UNC5D: variants seen among roughly 807,000 people sequenced by gnomAD.
UNC5D encodes the protein netrin receptor UNC5D.
A neutral mutation model predicts 105.4 loss-of-function variants in UNC5D; 39 were observed. That is an observed-to-expected ratio of 0.37 (90% confidence interval 0.29 to 0.48). The LOEUF is 0.48. UNC5D is among the 20% of genes least tolerant of loss of function. The probability of loss-of-function intolerance (pLI) is 0.98; values close to 1 mark genes in which losing one functional copy is unlikely to be tolerated. For missense variants in UNC5D, 991 were observed against 1,202.4 expected (o/e 0.82, Z 2.60); for synonymous variants, 452 against 450.4 (o/e 1.00, Z -0.04).
intron 1 of UNC5D, among the ~76,000 whole-genome samples, chr8:35,258,206 A>G (rs1804215477): frequency 6.6e-6 from 1 of 152,188 alleles, no homozygotes; most frequent in South Asian, 2.1e-4. Flanking sequence ...GGGCAAAAAA[A>G]GGGACACACT....
Position 35,790,333 on chromosome 8 carries a change from CTTTGTG to C in UNC5D, c.2658-22_2658-17del, listed in dbSNP as rs1563766153. The C allele has an allele frequency of 1.9e-6, 3 of 1,607,692 alleles. No individual in the cohort carries two copies. The highest frequency in any genetic ancestry group is 2.2e-5 in the South Asian group (2 of 90,914). ...CTTTATTTTCATGTTTCGTTTTGTT[CTTTGTG>C]TTTAACTCTCTCCATCTAGGAATTT... On this transcript the variant is annotated intron_variant, in intron 16 of 16. Coordinates refer to ENST00000404895, the MANE Select transcript of UNC5D (RefSeq NM_080872.4).
At chr8:35,405,558 A>G (rs1804751129) in intron 1 of UNC5D, among the ~76,000 whole-genome samples, 1 of 152,192 alleles carries the variant, frequency 6.6e-6, no homozygotes, top group African/African-American at 2.4e-5. Context: ...TCCAATGGTA[A>G]ATGTGAAAGA....
At position 35,493,048 on chromosome 8, in the gene UNC5D, G is replaced by C. The variant is rs370503019; in HGVS notation, c.104-56244G>C. Among the ~76,000 whole-genome samples the C allele has an allele frequency of 2.0e-4, 30 of 152,000 alleles. No individual in the cohort carries two copies. The South Asian group carries it at 2.3e-3, about 12-fold the overall frequency. On this transcript the variant is annotated intron_variant, in intron 1 of 16. Coordinates refer to ENST00000404895, the MANE Select transcript of UNC5D (RefSeq NM_080872.4). The stretch of plus-strand genomic sequence containing the variant: ...TTTTGGAGGAAGTTTTCCTCAGTTC[G>C]ACAAGGAAACTTGCAGAGAGAGTGC...
chr8:35,662,487 G>T (rs1269690594), intron 4 of UNC5D, among the ~76,000 whole-genome samples: 1 of 152,156 alleles, frequency 6.6e-6, no homozygotes, highest in African/African-American at 2.4e-5. Flanking sequence ...AGCTTTAAGA[G>T]ATGAGCCTTG....
At chr8:35,645,370 A>G (rs1011972768) in intron 4 of UNC5D, among the ~76,000 whole-genome samples, 3 of 152,176 alleles carry the variant, frequency 2.0e-5, no homozygotes, top group Admixed American at 6.5e-5. Context: ...ATTGTGTTCT[A>G]TTAGAAAGAA....
intron 1 of UNC5D, among the ~76,000 whole-genome samples, chr8:35,473,576 G>T (rs1809886266): frequency 6.6e-6 from 1 of 152,100 alleles, no homozygotes. Flanking sequence ...GCAGCTCCAA[G>T]AATTATGTGA....
chr8:35,683,494 GAA>G (rs1175278725), intron 4 of UNC5D, 51 bp from the exon 5 acceptor site: 9 of 1,527,058 alleles, frequency 5.9e-6, no homozygotes, highest in Non-Finnish European at 7.8e-6. Flanking sequence ...TTCAATTCCA[GAA>G]AAGAGTTCTG....
intron 1 of UNC5D, among the ~76,000 whole-genome samples, chr8:35,545,420 G>A (rs986586621): frequency 3.4e-5 from 5 of 146,688 alleles, no homozygotes; most frequent in Non-Finnish European, 5.9e-5. Flanking sequence ...ATGGGTTGGA[G>A]AGGGGGAGAG....
chr8:35,461,109 A>G (rs999757773), intron 1 of UNC5D, among the ~76,000 whole-genome samples: 70 of 152,194 alleles, frequency 4.6e-4, no homozygotes, highest in African/African-American at 1.6e-3. Context: ...TAAACTCCTA[A>G]AGGAAGGCTC....
intron 2 of UNC5D, among the ~76,000 whole-genome samples, chr8:35,555,693 G>T (rs543693041): frequency 6.6e-6 from 1 of 151,990 alleles, no homozygotes; most frequent in East Asian, 1.9e-4. Flanking sequence ...GGCCGTGGTG[G>T]CGCACACCTG....
chr8:35,285,383 A>T (rs923807187), intron 1 of UNC5D, among the ~76,000 whole-genome samples: 1 of 152,220 alleles, frequency 6.6e-6, no homozygotes, highest in Non-Finnish European at 1.5e-5. Context: ...GTTGTCCCGA[A>T]TGTTTGGCTC....
At chr8:35,767,352 C>A (rs887049491) in intron 15 of UNC5D, among the ~76,000 whole-genome samples, 2 of 152,146 alleles carry the variant, frequency 1.3e-5, no homozygotes, top group Non-Finnish European at 2.9e-5. Context: ...CACAAGAAGT[C>A]TTATTCCACA....
chr8:35,395,711 T>C (rs993597194), intron 1 of UNC5D, among the ~76,000 whole-genome samples: 9 of 152,262 alleles, frequency 5.9e-5, no homozygotes, highest in African/African-American at 2.2e-4. Flanking sequence ...TAACACTAGA[T>C]TTTCACAAGA....
chr8:35,305,577 T>TTTTCTTTCTTTCTTTCTTTC (rs1179890296), intron 1 of UNC5D, among the ~76,000 whole-genome samples: 880 of 53,930 alleles, frequency 0.016, 5 homozygotes, highest in Middle Eastern at 0.028. Flanking sequence ...CTTTCTTTCT[T>TTTTCTTTCTTTCTTTCTTTC]TTTCTTTCTT....
In UNC5D at chr8:35,588,952, A is replaced by T. The variant is rs139583281; in HGVS notation, c.467-6602A>T. ...CAGCTACTCAGGAGGTTGAGGCAGGAGAATTGCTTGAATCTGGGAGGCAGA... is the reference window on the plus strand; with the variant it reads ...CAGCTACTCAGGAGGTTGAGGCAGGTGAATTGCTTGAATCTGGGAGGCAGA... On this transcript the variant is annotated intron_variant, in intron 3 of 16. Transcript: ENST00000404895. Among the ~76,000 whole-genome samples the T allele has an allele frequency of 1.1e-3, 170 of 152,150 alleles. 7 individuals are homozygous for T. The East Asian group carries it at 0.03, about 27-fold the overall frequency.
chr8:35,313,353 G>T (rs770066846), intron 1 of UNC5D, among the ~76,000 whole-genome samples: 1 of 152,102 alleles, frequency 6.6e-6, no homozygotes, highest in Non-Finnish European at 1.5e-5. Flanking sequence ...GTCGAACTGT[G>T]CTACAGAAAG....
At chr8:35,561,775 C>T (rs1264386930) in intron 2 of UNC5D, among the ~76,000 whole-genome samples, 1 of 151,964 alleles carries the variant, frequency 6.6e-6, no homozygotes, top group Non-Finnish European at 1.5e-5. Flanking sequence ...ACATAATTTA[C>T]ATATTTTGGG....
Position 35,479,778 on chromosome 8 carries a change from T to C in UNC5D, c.104-69514T>C, listed in dbSNP as rs571166826. Among the ~76,000 whole-genome samples the C allele has an allele frequency of 1.1e-4, 17 of 152,224 alleles. No individual in the cohort carries two copies. In the South Asian group the frequency reaches 3.5e-3, roughly 32 times the overall value. ...ACAATAGACATGAGGGACTGCTTGG[T>C]CAGGGAAGGGAGAGAACATAGGTTG... On this transcript the variant is annotated intron_variant, in intron 1 of 16. Transcript: ENST00000404895.
chr8:35,400,040 T>C (rs913523671), intron 1 of UNC5D, among the ~76,000 whole-genome samples: 10 of 152,094 alleles, frequency 6.6e-5, no homozygotes, highest in Non-Finnish European at 1.2e-4. Flanking sequence ...CCTGGAGCAA[T>C]AGCAGGCCCA....
Sources: gnomAD v4.1 joint callset for allele counts (sites outside exome capture counted in the v4.1 genomes callset) on GRCh38, gnomAD v4.1.1 for gene constraint, MANE v1.5 for transcripts, NCBI Gene and HGNC (gene_info 2026-07-23, HGNC 2026-07-21) for gene names.